The following COL24A1 variants were observed in gnomAD, a reference collection of about 807,000 sequenced individuals.
COL24A1 encodes collagen alpha-1(XXIV) chain.
In COL24A1, 224 loss-of-function variants were observed where a neutral mutation model predicts 253.9. The observed-to-expected ratio is 0.88, with a 90% CI of 0.79 to 0.99. The LOEUF is 0.99. Among genes scored for constraint, COL24A1 ranks in the 50% least tolerant of loss-of-function variants. The pLI, the probability that COL24A1 is intolerant of heterozygous loss-of-function variation, is 0.00. For missense variants in COL24A1, 2,131 were observed against 2,068.5 expected (o/e 1.03, Z -0.59); for synonymous variants, 685 against 673.7 (o/e 1.02, Z -0.26).
At chr1:85,870,556 C>G (rs1680345906) in intron 35 of COL24A1, among the ~76,000 whole-genome samples, 1 of 152,198 alleles carries the variant, frequency 6.6e-6, no homozygotes, top group East Asian at 1.9e-4. Context: ...CTCAACACTG[C>G]TCAACCACAT....
chr1:85,942,560 C>T (rs1271642578), intron 24 of COL24A1, among the ~76,000 whole-genome samples: 2 of 152,072 alleles, frequency 1.3e-5, no homozygotes, highest in Non-Finnish European at 2.9e-5. Context: ...TTAGTTAGTG[C>T]CAATCATAAT....
intron 12 of COL24A1, among the ~76,000 whole-genome samples, chr1:86,044,985 T>G (rs1699787749): frequency 6.6e-6 from 1 of 152,136 alleles, no homozygotes; most frequent in East Asian, 1.9e-4. Context: ...TTTAATTTAT[T>G]TTTATTTTTG....
At chr1:86,135,765 G>T (rs1650139533) in intron 2 of COL24A1, among the ~76,000 whole-genome samples, 1 of 151,792 alleles carries the variant, frequency 6.6e-6, no homozygotes, top group Admixed American at 6.6e-5. Flanking sequence ...GGTGATAAGG[G>T]GGACATATTT....
At chr1:85,886,352 A>G (rs1014578435) in intron 32 of COL24A1, among the ~76,000 whole-genome samples, 12 of 147,070 alleles carry the variant, frequency 8.2e-5, no homozygotes, top group Admixed American at 6.8e-5. Context: ...CTTGGCCCCC[A>G]TGCGATGATT....
chr1:85,915,159 T>C (rs933380807), intron 24 of COL24A1, among the ~76,000 whole-genome samples: 3 of 152,148 alleles, frequency 2.0e-5, no homozygotes, highest in Non-Finnish European at 2.9e-5. Flanking sequence ...AGGATCTGAA[T>C]AAAACAAAAA....
At chr1:85,781,793 A>T (rs181296439) in intron 51 of COL24A1, among the ~76,000 whole-genome samples, 1 of 152,196 alleles carries the variant, frequency 6.6e-6, no homozygotes. Context: ...TCATAGGGCC[A>T]TTGTGAGAAT....
intron 19 of COL24A1, among the ~76,000 whole-genome samples, chr1:86,003,071 A>G (rs1179497504): frequency 6.6e-6 from 1 of 152,186 alleles, no homozygotes; most frequent in Non-Finnish European, 1.5e-5. Flanking sequence ...GTGGGAGAAG[A>G]TGCAGTATGG....
chr1:86,076,621 C>T lies in COL24A1; in HGVS notation c.1707+12553G>A, dbSNP rs191339033. On this transcript the variant is annotated intron_variant, in intron 7 of 59. Transcript: ENST00000370571. ...CAAAAGAACAAAGCTGGAGGCATCA[C>T]GCTACCTGACTTCAAACTATACTAT... Among the ~76,000 whole-genome samples, 711 of 152,314 alleles carry T rather than the reference C, an allele frequency of 4.7e-3. 3 individuals carry two copies. The highest frequency in any genetic ancestry group is 0.013 in the African/African-American group (522 of 41,568).
Position 85,783,946 on chromosome 1 carries a change from T to A in COL24A1, c.4221+167A>T, listed in dbSNP as rs1292820198. Among the ~76,000 whole-genome samples the A allele has an allele frequency of 2.6e-5, 4 of 152,202 alleles. No individual in the cohort carries two copies. In the East Asian group the frequency reaches 7.7e-4, roughly 29 times the overall value. On this transcript the variant is annotated intron_variant, in intron 50 of 59. Coordinates refer to ENST00000370571, the MANE Select transcript of COL24A1 (RefSeq NM_152890.7). ...ATATACTAAAATTTCTGGGAAAATG[T>A]ATAGTTACATAATTTTAAAAACAGA... is the stretch of plus-strand genomic sequence containing the variant.
At position 86,125,165 on chromosome 1, in the gene COL24A1, T is replaced by C. The variant is rs200108318; in HGVS notation, c.1171A>G (p.Lys391Glu). The C allele has an allele frequency of 6.2e-7, 1 of 1,613,440 alleles. No homozygotes were observed. Residue 391 changes from lysine (K) to glutamate (E), a missense_variant, in exon 3 of 60, where the codon AAG (lysine) becomes GAG (glutamate). Transcript: ENST00000370571. Reference sequence around the variant, plus strand: ...TGTGGAAGAATAGATGGCATCTTCTTAAACAGTGACAGACCAGTTACTCTA... The same window carrying C: ...TGTGGAAGAATAGATGGCATCTTCTCAAACAGTGACAGACCAGTTACTCTA... ...DDRVTGLSLF[K>E]KMPSILPQIK...
In COL24A1 at chr1:85,784,211, C is replaced by T. The variant is rs41517544; in HGVS notation, c.4168-45G>A. 7.0e-3 allele frequency: 11,222 copies of T among 1,610,920 alleles called. 643 individuals are homozygous for T. In the African/African-American group the frequency reaches 0.13, roughly 19 times the overall value. Reference sequence around the variant, plus strand: ...GATAATAATTATTGTACAATGGCAGCCTGCTCTGTAGAATAAATGCTTGGT... The same window carrying T: ...GATAATAATTATTGTACAATGGCAGTCTGCTCTGTAGAATAAATGCTTGGT... On this transcript the variant is annotated intron_variant, in intron 49 of 59. Transcript: ENST00000370571.
At chr1:86,142,156 T>A (rs1363250449) in intron 2 of COL24A1, among the ~76,000 whole-genome samples, 4 of 150,958 alleles carry the variant, frequency 2.6e-5, no homozygotes, top group Non-Finnish European at 3.0e-5. Context: ...GAGATAAAAG[T>A]AGACATTGCA....
chr1:86,111,261 G>T (rs1170808724), intron 5 of COL24A1, among the ~76,000 whole-genome samples: 1 of 151,802 alleles, frequency 6.6e-6, no homozygotes, highest in Non-Finnish European at 1.5e-5. Flanking sequence ...ATCTGGCGGG[G>T]ACTTGGAGAA....
At chr1:85,943,760 T>C (rs1424985014) in intron 24 of COL24A1, among the ~76,000 whole-genome samples, 1 of 152,224 alleles carries the variant, frequency 6.6e-6, no homozygotes, top group Non-Finnish European at 1.5e-5. Flanking sequence ...AAATGCAGGT[T>C]GAAAGTCCAA....
chr1:85,843,173 G>A (rs745421316), intron 39 of COL24A1, among the ~76,000 whole-genome samples: 4 of 152,088 alleles, frequency 2.6e-5, no homozygotes, highest in Non-Finnish European at 5.9e-5. Context: ...CTAGAACTAA[G>A]TCTCTTGATT....
At chr1:85,839,085 A>G (rs115710881) in intron 42 of COL24A1, among the ~76,000 whole-genome samples, 1,570 of 152,066 alleles carry the variant, frequency 0.01, 19 homozygotes, top group African/African-American at 0.036. Flanking sequence ...CTATAGTCCC[A>G]GCTACTTGGG....
intron 4 of COL24A1, among the ~76,000 whole-genome samples, chr1:86,115,023 GAT>G (rs1705998261): frequency 6.6e-6 from 1 of 152,114 alleles, no homozygotes; most frequent in Non-Finnish European, 1.5e-5. Context: ...TCTCACCTTA[GAT>G]ATTGCGATCA....
intron 5 of COL24A1, among the ~76,000 whole-genome samples, chr1:86,096,554 A>G (rs12043664): frequency 6.6e-5 from 10 of 151,838 alleles, no homozygotes; most frequent in East Asian, 1.9e-4. Context: ...ATCCTACCAC[A>G]TTTTCATTGG....
chr1:85,945,419 TA>T (rs1034135116), intron 24 of COL24A1, among the ~76,000 whole-genome samples: 2 of 151,680 alleles, frequency 1.3e-5, no homozygotes, highest in African/African-American at 4.8e-5. Context: ...ACAATTTTAT[TA>T]AAAAATTATA....
Sources: allele counts gnomAD v4.1 joint callset (sites outside exome capture counted in the v4.1 genomes callset), GRCh38; gene constraint gnomAD v4.1.1; transcripts MANE v1.5; gene names NCBI Gene and HGNC (gene_info 2026-07-23, HGNC 2026-07-21).